Variants in BNC2 observed in about 807,000 individuals in gnomAD.
BNC2 encodes the protein basonuclin zinc finger protein 2.
BNC2 carries 20 observed loss-of-function variants against 76.3 expected under a neutral mutation model. That is an observed-to-expected ratio of 0.26 (90% CI 0.18 to 0.38). BNC2 has a LOEUF of 0.38. Ranked by LOEUF, BNC2 falls within the 10% of genes least tolerant of loss-of-function variation. The pLI, the probability that BNC2 is intolerant of heterozygous loss-of-function variation, is 1.00. For missense variants in BNC2, 1,382 were observed against 1,399.8 expected, an observed-to-expected ratio of 0.99 and a Z score of 0.20; for synonymous variants, 582 against 514.8, an observed-to-expected ratio of 1.13 and a Z score of -1.77.
chr9:16,739,768 G>C (rs1824787698), intron 1 of BNC2, among the ~76,000 whole-genome samples: 1 of 152,126 alleles, frequency 6.6e-6, no homozygotes, highest in Non-Finnish European at 1.5e-5. Context: ...ATAAAATCAA[G>C]GGGACCAGAA....
intron 3 of BNC2, chr9:16,699,240 C>A: frequency 2.1e-6 from 1 of 469,340 alleles, no homozygotes; most frequent in Non-Finnish European, 4.4e-6. Flanking sequence ...CTAAATAATG[C>A]AACAAAAAAG....
At chr9:16,582,924 C>CAA in intron 4 of BNC2, 59 bp downstream of exon 4, 1 of 1,250,254 alleles carries the variant, frequency 8.0e-7, no homozygotes, top group Non-Finnish European at 1.2e-6. Flanking sequence ...CACACACACA[C>CAA]ACACACACAC....
chr9:16,430,006 A>G (rs1186051492), intron 6 of BNC2: 1 of 511,240 alleles, frequency 2.0e-6, no homozygotes, highest in Non-Finnish European at 3.9e-6. Context: ...GTATCTAAAA[A>G]GAACCCCAGG....
At chr9:16,718,629 A>T (rs1354110906) in intron 3 of BNC2, among the ~76,000 whole-genome samples, 1 of 152,188 alleles carries the variant, frequency 6.6e-6, no homozygotes, top group East Asian at 1.9e-4. Context: ...ACAAAATAAG[A>T]AACCATCATG....
intron 2 of BNC2, 197 bp from the exon 3 acceptor site, chr9:16,728,194 C>T: frequency 1.5e-6 from 1 of 655,334 alleles, no homozygotes; most frequent in East Asian, 2.7e-5. Context: ...CCCAAGCTTG[C>T]CTTTGCTCAG....
At chr9:16,734,508 T>C (rs1283029039) in intron 2 of BNC2, among the ~76,000 whole-genome samples, 1 of 152,154 alleles carries the variant, frequency 6.6e-6, no homozygotes, top group Non-Finnish European at 1.5e-5. Context: ...AACTCTACCT[T>C]CTCCAGATGG....
intron 1 of BNC2, chr9:16,867,853 T>C (rs1448413756): frequency 6.6e-6 from 1 of 152,106 alleles, no homozygotes. Flanking sequence ...AAAGATCAAA[T>C]GAGAAAACTG....
rs1820470379 is a variant in BNC2, at chr9:16,411,939, T to C, written c.*7050A>G. 1 of 152,226 alleles carries C rather than the reference T, an allele frequency of 6.6e-6. No homozygotes were observed. The highest frequency in any genetic ancestry group is 2.4e-5 in the African/African-American group (1 of 41,464). 9.4% of individuals were successfully genotyped at this position (152,226 alleles called of 1,614,324 possible). Reference sequence around the variant, plus strand: ...TCCCAGAAAGAAGACGCTTGATAGATCTTGCACTTCATTTAGTCACTAACT... The same window carrying C: ...TCCCAGAAAGAAGACGCTTGATAGACCTTGCACTTCATTTAGTCACTAACT... On this transcript the variant is annotated 3_prime_UTR_variant, in exon 7 of 7. Transcript: ENST00000380672.
At chr9:16,443,988 C>G (rs534511917) in intron 5 of BNC2, among the ~76,000 whole-genome samples, 1 of 152,194 alleles carries the variant, frequency 6.6e-6, no homozygotes, top group Non-Finnish European at 1.5e-5. Context: ...GAAGTTAATT[C>G]AAAAAATTAA....
chr9:16,584,416 A>T (rs1336912633), intron 3 of BNC2, among the ~76,000 whole-genome samples: 3 of 152,214 alleles, frequency 2.0e-5, no homozygotes, highest in Non-Finnish European at 4.4e-5. Flanking sequence ...TATGCTTTAG[A>T]TCAGGCAAGT....
At chr9:16,849,352 A>ATTTTTTTT (rs35561834) in intron 1 of BNC2, among the ~76,000 whole-genome samples, 11 of 90,104 alleles carry the variant, frequency 1.2e-4, no homozygotes, top group African/African-American at 3.2e-4. Context: ...CATGCAAAAG[A>ATTTTTTTT]TTTTTTTTTT....
intron 3 of BNC2, among the ~76,000 whole-genome samples, chr9:16,674,249 G>A (rs1030404520): frequency 1.3e-5 from 2 of 152,146 alleles, no homozygotes; most frequent in Non-Finnish European, 2.9e-5. Context: ...TAGAATGCTG[G>A]TTTACAACAG....
intron 1 of BNC2, among the ~76,000 whole-genome samples, chr9:16,858,554 G>A (rs955908617): frequency 3.3e-5 from 5 of 152,098 alleles, no homozygotes; most frequent in Admixed American, 6.6e-5. Context: ...ATCAAACTTA[G>A]AAACTTCTGG....
At chr9:16,575,474 T>C (rs1819457348) in intron 4 of BNC2, 1 of 983,352 alleles carries the variant, frequency 1.0e-6, no homozygotes, top group South Asian at 4.7e-5. Flanking sequence ...GGGGAGGCAC[T>C]GTTTGCGCTG....
intron 5 of BNC2, among the ~76,000 whole-genome samples, chr9:16,546,575 G>A (rs374691558): frequency 2.0e-5 from 3 of 152,304 alleles, no homozygotes; most frequent in African/African-American, 7.2e-5. Context: ...ACCAGATCTG[G>A]TTTTAGTCAC....
At chr9:16,513,098 C>A (rs934262305) in intron 5 of BNC2, among the ~76,000 whole-genome samples, 3 of 151,794 alleles carry the variant, frequency 2.0e-5, no homozygotes, top group African/African-American at 7.2e-5. Context: ...CCAGTGCACT[C>A]CAGCCTGGGT....
At chr9:16,575,119 A>T in intron 4 of BNC2, 2 of 262,850 alleles carry the variant, frequency 7.6e-6, no homozygotes, top group Non-Finnish European at 1.2e-5. Context: ...AGGAGCTATC[A>T]TCACTCACAT....
intron 2 of BNC2, among the ~76,000 whole-genome samples, chr9:16,737,848 C>T (rs1023652836): frequency 3.9e-5 from 6 of 151,932 alleles, no homozygotes; most frequent in African/African-American, 1.5e-4. Flanking sequence ...CTAAGGGACA[C>T]TTTTGGGGTT....
intron 3 of BNC2, among the ~76,000 whole-genome samples, chr9:16,678,847 G>C (rs988031249): frequency 1.3e-5 from 2 of 152,056 alleles, no homozygotes; most frequent in South Asian, 2.1e-4. Flanking sequence ...AAAGAAACTG[G>C]AGATGTCTCC....
Sources: gnomAD v4.1 joint callset for allele counts (sites outside exome capture counted in the v4.1 genomes callset) on GRCh38, gnomAD v4.1.1 for gene constraint, MANE v1.5 for transcripts, NCBI Gene and HGNC (gene_info 2026-07-23, HGNC 2026-07-21) for gene names.